AKAP13: variants seen among roughly 807,000 people sequenced by gnomAD.
AKAP13 encodes the protein A-kinase anchoring protein 13.
Under a neutral mutation model 264.5 loss-of-function variants are expected in AKAP13, and 80 were observed. The observed-to-expected ratio is 0.30, with a 90% CI of 0.25 to 0.36. The LOEUF (loss-of-function observed/expected upper bound fraction) is 0.36. AKAP13 is among the 10% of genes least tolerant of loss of function. The pLI, the probability that AKAP13 is intolerant of heterozygous loss-of-function variation, is 1.00. For missense variants in AKAP13, 3,712 were observed against 3,435.2 expected (o/e 1.08, Z -2.01); for synonymous variants, 1,380 against 1,250.2 (o/e 1.10, Z -2.19).
intron 2 of AKAP13, among the ~76,000 whole-genome samples, chr15:85,486,470 G>A (rs1431580793): frequency 1.3e-5 from 2 of 152,118 alleles, no homozygotes; most frequent in Non-Finnish European, 2.9e-5. Context: ...TTTGCATGTG[G>A]ATCTCCAGTT....
In AKAP13 at chr15:85,718,918, A is replaced by G. The variant is rs1657241814; in HGVS notation, c.6002-158A>G. On this transcript the variant is annotated intron_variant, in intron 22 of 36. Transcript: ENST00000394518. The surrounding 1 kb of genome is among the most constrained non-coding windows in gnomAD (Gnocchi z 4.9). ...TGTCTTAAAAAAAAAACAAAAAAAC[A>G]AAAAAACGAGAACACTTTTAGGGGA... The G allele has an allele frequency of 9.1e-7, 1 of 1,095,800 alleles. No individual in the cohort carries two copies. Among genetic ancestry groups the G allele is most frequent in the Non-Finnish European group, 1.3e-6 (1 of 787,284 alleles). The allele number at this position is 1,095,800 out of a possible 1,614,324, so 67.9% of individuals were successfully genotyped here.
intron 15 of AKAP13, 109 bp downstream of exon 15, chr15:85,682,321 CTTT>C: frequency 9.1e-7 from 1 of 1,095,746 alleles, no homozygotes; most frequent in East Asian, 2.6e-5. Context: ...TTGGGTTCTT[CTTT>C]GAGTGATAAA....
chr15:85,446,695 CTTCTTT>C (rs1328382546), intron 1 of AKAP13, among the ~76,000 whole-genome samples: 2 of 145,158 alleles, frequency 1.4e-5, no homozygotes, highest in Non-Finnish European at 3.0e-5. Context: ...TTGCCCAGCC[CTTCTTT>C]TTCTTTTTCT....
At chr15:85,625,061 T>C (rs1444765626) in intron 8 of AKAP13, among the ~76,000 whole-genome samples, 2 of 152,236 alleles carry the variant, frequency 1.3e-5, no homozygotes, top group Admixed American at 1.3e-4. Flanking sequence ...CTATGTTTTG[T>C]AGCTAAAGTG....
rs745855282 is a variant in AKAP13, at chr15:85,740,194, G to A, written c.7558-28G>A. 2.4e-5 allele frequency: 39 copies of A among 1,613,566 alleles called. No individual in the cohort carries two copies. In the Admixed American group the frequency reaches 5.8e-4, roughly 24 times the overall value. On this transcript the variant is annotated intron_variant, in intron 33 of 36. Coordinates refer to ENST00000394518, the MANE Select transcript of AKAP13 (RefSeq NM_007200.5). ...TCTGAGATTCATAAAGCCCTGAAAC[G>A]AATGTTTCCATTTTGTTCCTTTGGC...
At chr15:85,414,511 G>A (rs2072140425) in intron 1 of AKAP13, among the ~76,000 whole-genome samples, 1 of 152,194 alleles carries the variant, frequency 6.6e-6, no homozygotes, top group Non-Finnish European at 1.5e-5. Flanking sequence ...AGATTTAGAT[G>A]ATGATATAGA....
chr15:85,504,046 T>A (rs574991759), intron 2 of AKAP13, among the ~76,000 whole-genome samples: 9 of 152,154 alleles, frequency 5.9e-5, no homozygotes, highest in Non-Finnish European at 7.3e-5. Flanking sequence ...TTGGAGACTC[T>A]GTGCTTCCCA....
chr15:85,544,091 T>G, intron 5 of AKAP13, 136 bp downstream of exon 5: 1 of 1,048,930 alleles, frequency 9.5e-7, no homozygotes, highest in Non-Finnish European at 1.4e-6. Context: ...TGCCTTCTGC[T>G]GGAGGTTTGT....
Position 85,730,968 on chromosome 15 carries a change from TCTGA to T in AKAP13, c.7282+265_7282+268del, listed in dbSNP as rs923796386. On this transcript the variant is annotated intron_variant, in intron 30 of 36. Transcript: ENST00000394518. ...CCCTCCCTCCAAAAGGAGCAGTTATTCTGACTGTTTTTTAATTAGTCACTTATGC... is the reference window on the plus strand; with the variant it reads ...CCCTCCCTCCAAAAGGAGCAGTTATTCTGTTTTTTAATTAGTCACTTATGC... Among the ~76,000 whole-genome samples the T allele has an allele frequency of 1.3e-3, 194 of 151,202 alleles. 1 individual carries two copies. The highest frequency in any genetic ancestry group is 4.3e-3 in the African/African-American group (176 of 41,194).
At chr15:85,603,749 C>T (rs1245026545) in intron 8 of AKAP13, among the ~76,000 whole-genome samples, 1 of 152,222 alleles carries the variant, frequency 6.6e-6, no homozygotes, top group African/African-American at 2.4e-5. Flanking sequence ...CTGGAGTCAA[C>T]ATGGGTACCC....
intron 13 of AKAP13, among the ~76,000 whole-genome samples, chr15:85,665,242 C>T (rs2083525814): frequency 6.6e-6 from 1 of 152,088 alleles, no homozygotes; most frequent in Non-Finnish European, 1.5e-5. Context: ...CGTTAATCTG[C>T]ATAGATTTAA....
chr15:85,585,639 T>G (rs1201950222), intron 7 of AKAP13, 63 bp from the exon 8 acceptor site: 1 of 1,603,548 alleles, frequency 6.2e-7, no homozygotes, highest in Non-Finnish European at 8.5e-7. Flanking sequence ...GCATGTTGTA[T>G]GAATAGTAAG....
chr15:85,434,697 C>A (rs1294847340), intron 1 of AKAP13, among the ~76,000 whole-genome samples: 1 of 152,176 alleles, frequency 6.6e-6, no homozygotes, highest in Non-Finnish European at 1.5e-5. Flanking sequence ...GGAGGTACCC[C>A]CCAGCAGGGG....
chr15:85,492,256 C>T (rs950568863), intron 2 of AKAP13, among the ~76,000 whole-genome samples: 2 of 152,186 alleles, frequency 1.3e-5, no homozygotes, highest in East Asian at 3.8e-4. Context: ...GTGGCTCATG[C>T]CTGTAATCCT....
At chr15:85,620,856 A>G (rs1014002096) in intron 8 of AKAP13, among the ~76,000 whole-genome samples, 1 of 152,216 alleles carries the variant, frequency 6.6e-6, no homozygotes, top group Non-Finnish European at 1.5e-5. Flanking sequence ...AATTGCTCAC[A>G]GAAGGCATCC....
At chr15:85,540,848 A>G (rs1253741663) in intron 4 of AKAP13, among the ~76,000 whole-genome samples, 2 of 152,240 alleles carry the variant, frequency 1.3e-5, no homozygotes, top group Non-Finnish European at 2.9e-5. Flanking sequence ...CATGCGGTGG[A>G]CTACTCAGCA....
chr15:85,393,470 A>T (rs575735222), intron 1 of AKAP13, among the ~76,000 whole-genome samples: 1 of 152,372 alleles, frequency 6.6e-6, no homozygotes, highest in South Asian at 2.1e-4. Context: ...ATTCCTGCCA[A>T]AATAGTGCTG....
At chr15:85,710,490 G>A in intron 18 of AKAP13, 89 bp from the exon 19 acceptor site, 3 of 1,302,994 alleles carry the variant, frequency 2.3e-6, no homozygotes, top group Non-Finnish European at 3.2e-6. Flanking sequence ...GAGTGGGAAA[G>A]GAAGCTGAAC....
chr15:85,419,480 G>T (rs2072410336), intron 1 of AKAP13, among the ~76,000 whole-genome samples: 1 of 152,074 alleles, frequency 6.6e-6, no homozygotes, highest in Non-Finnish European at 1.5e-5. Context: ...CTGTTGACCC[G>T]GATATTTTTA....
Sources: allele counts gnomAD v4.1 joint callset (sites outside exome capture counted in the v4.1 genomes callset), GRCh38; gene constraint gnomAD v4.1.1; non-coding constraint Gnocchi (gnomAD v3.1); transcripts MANE v1.5; gene names NCBI Gene and HGNC (gene_info 2026-07-23, HGNC 2026-07-21).